The following ACKR3 variants were observed in gnomAD, a reference collection of about 807,000 sequenced individuals.
ACKR3 encodes atypical chemokine receptor 3.
ACKR3 carries 6 observed loss-of-function variants against 22.4 expected under a neutral mutation model. The observed-to-expected ratio is 0.27, with a 90% CI of 0.15 to 0.53. The LOEUF (loss-of-function observed/expected upper bound fraction) is 0.53, where lower values mean the gene tolerates loss of function less well. ACKR3 is among the 20% of genes least tolerant of loss of function. The pLI is 0.96. For synonymous variants in ACKR3, 209 were observed against 205.2 expected (o/e 1.02, Z -0.16); for missense variants, 396 against 475.2 (o/e 0.83, Z 1.55).
At chr2:236,573,624 C>T (rs76995324) in intron 1 of ACKR3, among the ~76,000 whole-genome samples, 3,614 of 152,336 alleles carry the variant, frequency 0.024, 60 homozygotes, top group Non-Finnish European at 0.039. Flanking sequence ...TCCCCCTTTT[C>T]GGAGCTGGTC....
At chr2:236,561,001 G>C in the ACKR3 span, among the ~76,000 whole-genome samples, 1 of 152,302 alleles carries the variant, frequency 6.6e-6, no homozygotes, top group East Asian at 1.9e-4. Flanking sequence ...TCTGATATAC[G>C]TGACAACATG....
In ACKR3 at chr2:236,578,755, A is replaced by T. The variant is rs1038193746; in HGVS notation, c.-26-1685A>T. Among the ~76,000 whole-genome samples the T allele has an allele frequency of 2.0e-5, 3 of 152,216 alleles. No individual in the cohort carries two copies. In the East Asian group the frequency reaches 5.8e-4, roughly 29 times the overall value. ...TCTGTTCAAGTTGTCCCAAAGGAGAAGCCCATCAAACAACCCAGTCTCTGT... is the reference window on the plus strand; with the variant it reads ...TCTGTTCAAGTTGTCCCAAAGGAGATGCCCATCAAACAACCCAGTCTCTGT... On this transcript the variant is annotated intron_variant, in intron 1 of 1. Transcript: ENST00000272928.
the ACKR3 span, among the ~76,000 whole-genome samples, chr2:236,555,788 A>G: frequency 6.6e-6 from 1 of 151,190 alleles, no homozygotes; most frequent in African/African-American, 2.5e-5. Flanking sequence ...CCAACAAATA[A>G]TATCAACTTA....
the ACKR3 span, among the ~76,000 whole-genome samples, chr2:236,546,658 G>A: frequency 6.6e-6 from 1 of 152,222 alleles, no homozygotes; most frequent in Non-Finnish European, 1.5e-5. This position sits in a 1 kb window ranked among gnomAD's most constrained non-coding sequence, Gnocchi z 4.9. Flanking sequence ...CTGGGCAGCA[G>A]AGAGTGCGCA....
chr2:236,560,198 T>C, the ACKR3 span, among the ~76,000 whole-genome samples: 2 of 152,214 alleles, frequency 1.3e-5, no homozygotes, highest in Non-Finnish European at 2.9e-5. Flanking sequence ...GGTAGTTCTA[T>C]TTTTAATTTT....
the ACKR3 span, among the ~76,000 whole-genome samples, chr2:236,561,648 T>A: frequency 6.6e-6 from 1 of 152,168 alleles, no homozygotes; most frequent in South Asian, 2.1e-4. Context: ...TGTGCCACCA[T>A]GCCTGGCTAA....
rs750460737 is a variant in ACKR3 at position 236,580,547 on chromosome 2, G to A, written c.82G>A (p.Val28Met). The A allele has an allele frequency of 1.6e-5, 26 of 1,614,096 alleles. No individual in the cohort carries two copies. Among genetic ancestry groups the A allele is most frequent in the African/African-American group, 2.7e-5 (2 of 74,932 alleles). Residue 28 changes from valine to methionine, a missense_variant, in exon 2 of 2, where the codon GTG becomes ATG. Transcript: ENST00000272928. Reference sequence around the variant, plus strand: ...GCCATGCAACAGCAGCGACTGCATCGTGGTGGACACGGTGATGTGTCCCAA... The same window carrying A: ...GCCATGCAACAGCAGCGACTGCATCATGGTGGACACGGTGATGTGTCCCAA... ...SWPCNSSDCI[V>M]VDTVMCPNMP...
chr2:236,562,977 T>C (rs565497696), upstream of ACKR3, among the ~76,000 whole-genome samples: 1 of 152,292 alleles, frequency 6.6e-6, no homozygotes, highest in Admixed American at 6.5e-5. Context: ...AATTTTCATG[T>C]AAGCCCTTCT....
Position 236,580,480 on chromosome 2 carries a change from C to G in ACKR3, c.15C>G (p.Leu5=). 6.2e-7 allele frequency: 1 copy of G among 1,612,208 alleles called. No homozygotes were observed. The highest frequency in any genetic ancestry group is 1.1e-5 in the South Asian group (1 of 91,032). Residue 5 remains leucine (L), a synonymous_variant, in exon 2 of 2, where the codon CTC becomes CTG. Transcript: ENST00000272928. ...GCCTCAGAACGATGGATCTGCATCT[C>G]TTCGACTACTCAGAGCCAGGGAACT... MDLH[L]FDYSEPGNFS...
At chr2:236,561,784 A>C in the ACKR3 span, among the ~76,000 whole-genome samples, 1 of 152,182 alleles carries the variant, frequency 6.6e-6, no homozygotes, top group Non-Finnish European at 1.5e-5. Flanking sequence ...GAGCCACTGC[A>C]CCTGGCCGCA....
At position 236,580,582 on chromosome 2, in the gene ACKR3, C is replaced by A. The variant is rs555362379; in HGVS notation, c.117C>A (p.Asn39Lys). 3 of 1,613,884 alleles carry A rather than the reference C, an allele frequency of 1.9e-6. No homozygotes were observed. Among genetic ancestry groups the A allele is most frequent in the African/African-American group, 2.7e-5 (2 of 74,956 alleles). The change falls in exon 2 of 2, where the codon AAC becomes AAA. Residue 39 changes from asparagine to lysine, a missense_variant. By Grantham distance (94) the Asn-to-Lys change is moderately conservative. Transcript: ENST00000272928. ...VDTVMCPNMP[N>K]KSVLLYTLSF... ...CGGTGATGTGTCCCAACATGCCCAA[C>A]AAAAGCGTCCTGCTCTACACGCTCT...
the ACKR3 span, among the ~76,000 whole-genome samples, chr2:236,542,744 A>T: frequency 6.6e-6 from 1 of 152,230 alleles, no homozygotes; most frequent in African/African-American, 2.4e-5. Context: ...GCCTAAAAAA[A>T]CAAGTTGGAA....
chr2:236,542,958 C>CT, the ACKR3 span, among the ~76,000 whole-genome samples: 1 of 85,570 alleles, frequency 1.2e-5, no homozygotes, highest in Non-Finnish European at 2.0e-5. Context: ...TATGCGGGCC[C>CT]TGTGATAAAT....
At chr2:236,559,663 T>C in the ACKR3 span, among the ~76,000 whole-genome samples, 9 of 152,364 alleles carry the variant, frequency 5.9e-5, no homozygotes, top group East Asian at 1.5e-3. Flanking sequence ...CTTTGATAAA[T>C]GTGTATACCC....
At chr2:236,549,369 C>A in the ACKR3 span, among the ~76,000 whole-genome samples, 1 of 152,160 alleles carries the variant, frequency 6.6e-6, no homozygotes. The surrounding 1 kb of genome is among the most constrained non-coding windows in gnomAD (Gnocchi z 5.3). Flanking sequence ...TCCATCAGTT[C>A]CCTGTCCCTG....
chr2:236,553,871 C>A, the ACKR3 span, among the ~76,000 whole-genome samples: 1 of 152,268 alleles, frequency 6.6e-6, no homozygotes, highest in Non-Finnish European at 1.5e-5. Context: ...TTGAATATTT[C>A]ATCTCTACTT....
At chr2:236,555,779 C>G in the ACKR3 span, among the ~76,000 whole-genome samples, 1 of 148,364 alleles carries the variant, frequency 6.7e-6, no homozygotes, top group East Asian at 2.0e-4. Context: ...TGGAAATTAC[C>G]AACAAATAAT....
the ACKR3 span, among the ~76,000 whole-genome samples, chr2:236,560,313 T>TA: frequency 7.2e-6 from 1 of 139,454 alleles, no homozygotes; most frequent in Admixed American, 7.0e-5. Flanking sequence ...CAGCACTTGT[T>TA]GCCTTTTTTT....
At chr2:236,555,509 G>A in the ACKR3 span, among the ~76,000 whole-genome samples, 1 of 152,212 alleles carries the variant, frequency 6.6e-6, no homozygotes, top group African/African-American at 2.4e-5. Context: ...CTAGGAAAGA[G>A]AAGTCTATTT....
Sources: gnomAD v4.1 joint callset for allele counts (sites outside exome capture counted in the v4.1 genomes callset) on GRCh38, gnomAD v4.1.1 for gene constraint, Gnocchi (gnomAD v3.1) non-coding constraint, MANE v1.5 for transcripts, NCBI Gene and HGNC (gene_info 2026-07-23, HGNC 2026-07-21) for gene names.